Variants in OR1B1 observed in about 807,000 individuals in gnomAD.
OR1B1 encodes the protein olfactory receptor family 1 subfamily B member 1, also known as olfactory receptor 1B1.
For missense variants in OR1B1, 414 were observed against 402.1 expected (o/e 1.03, Z -0.25); for synonymous variants, 168 against 156.2 (o/e 1.08, Z -0.57).
At chr9:122,639,483 A>C in the OR1B1 span, 2 of 152,010 alleles carry the variant, frequency 1.3e-5, no homozygotes, top group African/African-American at 4.8e-5. Context: ...TGGGTTGTTT[A>C]CTGATTTCCG....
the OR1B1 span, among the ~76,000 whole-genome samples, chr9:122,656,870 T>C: frequency 2.0e-5 from 3 of 152,208 alleles, no homozygotes; most frequent in Non-Finnish European, 4.4e-5. Context: ...TTTAGTTATA[T>C]GATTATATAA....
upstream of OR1B1, among the ~76,000 whole-genome samples, chr9:122,634,335 C>CAAAA (rs754164135): frequency 2.3e-5 from 2 of 86,816 alleles, no homozygotes; most frequent in African/African-American, 3.5e-5. Context: ...AACTCCATCT[C>CAAAA]AAAAAAAAAA....
At chr9:122,637,004 G>A in the OR1B1 span, 23 of 152,290 alleles carry the variant, frequency 1.5e-4, no homozygotes, top group African/African-American at 5.5e-4. Flanking sequence ...TCACACGACT[G>A]CTTTTTGAAA....
exon 1 of OR1B1, chr9:122,629,476 C>T (rs199948095): frequency 2.4e-5 from 38 of 1,593,082 alleles, no homozygotes; most frequent in African/African-American, 1.3e-4. Flanking sequence ...TGTTAGCTCT[C>T]GAGAACCCAA....
chr9:122,642,558 C>T, the OR1B1 span, among the ~76,000 whole-genome samples: 2 of 152,084 alleles, frequency 1.3e-5, no homozygotes, highest in East Asian at 3.9e-4. Context: ...CCTGCCACCT[C>T]ACAGATCAGG....
At chr9:122,647,597 AG>A in the OR1B1 span, among the ~76,000 whole-genome samples, 1 of 152,230 alleles carries the variant, frequency 6.6e-6, no homozygotes, top group African/African-American at 2.4e-5. Context: ...ATAATACAAA[AG>A]ATCAATGAAA....
chr9:122,636,278 A>C, the OR1B1 span, among the ~76,000 whole-genome samples: 1 of 152,250 alleles, frequency 6.6e-6, no homozygotes, highest in Non-Finnish European at 1.5e-5. Flanking sequence ...ACATATACAC[A>C]TATGAACCCA....
chr9:122,641,818 G>GCAAAT, the OR1B1 span, among the ~76,000 whole-genome samples: 2 of 151,956 alleles, frequency 1.3e-5, no homozygotes, highest in Admixed American at 1.3e-4. Flanking sequence ...CATTTCACAA[G>GCAAAT]GTATGCAAAT....
At chr9:122,635,068 T>C in the OR1B1 span, among the ~76,000 whole-genome samples, 5 of 152,290 alleles carry the variant, frequency 3.3e-5, no homozygotes, top group South Asian at 8.3e-4. Flanking sequence ...CTCATAGAGA[T>C]ATCTGCACTC....
chr9:122,650,443 A>G, the OR1B1 span, among the ~76,000 whole-genome samples: 1 of 151,560 alleles, frequency 6.6e-6, no homozygotes, highest in East Asian at 1.9e-4. Context: ...ATATTTATAT[A>G]TAGTCCCACA....
chr9:122,656,479 G>A, the OR1B1 span, among the ~76,000 whole-genome samples: 1 of 151,548 alleles, frequency 6.6e-6, no homozygotes, highest in African/African-American at 2.4e-5. Context: ...ATGGGAGTGG[G>A]TTCCTGATTA....
chr9:122,653,452 C>A, the OR1B1 span, among the ~76,000 whole-genome samples: 1 of 152,110 alleles, frequency 6.6e-6, no homozygotes, highest in Non-Finnish European at 1.5e-5. Flanking sequence ...CATAATATTG[C>A]TACTATTAAA....
At chr9:122,632,292 T>C (rs1277933627), upstream of OR1B1, among the ~76,000 whole-genome samples, 2 of 150,262 alleles carry the variant, frequency 1.3e-5, no homozygotes, top group Non-Finnish European at 3.0e-5. Flanking sequence ...AAGAAAGAAG[T>C]TATCAAAAAA....
chr9:122,650,750 G>T, the OR1B1 span, among the ~76,000 whole-genome samples: 1 of 152,078 alleles, frequency 6.6e-6, no homozygotes, highest in Admixed American at 6.6e-5. Flanking sequence ...CCAGCCGGGC[G>T]CGGTGGCTCA....
the OR1B1 span, among the ~76,000 whole-genome samples, chr9:122,647,138 G>A: frequency 2.0e-5 from 3 of 152,166 alleles, no homozygotes; most frequent in African/African-American, 4.8e-5. Context: ...GGCTGCAGAA[G>A]ACACATTCTT....
chr9:122,646,136 G>A, the OR1B1 span, among the ~76,000 whole-genome samples: 1 of 151,930 alleles, frequency 6.6e-6, no homozygotes, highest in Admixed American at 6.6e-5. Context: ...TAAAATGATG[G>A]GTTATAAGAT....
At chr9:122,646,447 T>C in the OR1B1 span, among the ~76,000 whole-genome samples, 1 of 151,412 alleles carries the variant, frequency 6.6e-6, no homozygotes, top group Non-Finnish European at 1.5e-5. Flanking sequence ...CTTCTGCCTA[T>C]AAGAAGTACA....
At chr9:122,638,886 A>C in the OR1B1 span, among the ~76,000 whole-genome samples, 1 of 152,170 alleles carries the variant, frequency 6.6e-6, no homozygotes, top group African/African-American at 2.4e-5. Flanking sequence ...AGAAGGGAGA[A>C]ATCTTCAGCA....
At chr9:122,648,145 T>C in the OR1B1 span, among the ~76,000 whole-genome samples, 1 of 152,176 alleles carries the variant, frequency 6.6e-6, no homozygotes, top group African/African-American at 2.4e-5. Context: ...TGAACATTGA[T>C]GAGAAAATCC....
Sources: allele counts gnomAD v4.1 joint callset (sites outside exome capture counted in the v4.1 genomes callset), GRCh38; gene constraint gnomAD v4.1.1; transcripts MANE v1.5; gene names NCBI Gene and HGNC (gene_info 2026-07-23, HGNC 2026-07-21).